The following CACNA1C variants were observed in gnomAD, a reference collection of about 807,000 sequenced individuals.
CACNA1C encodes the protein calcium voltage-gated channel subunit alpha1 C.
CACNA1C carries 30 observed loss-of-function variants against 229.0 expected under a neutral mutation model. The ratio of observed to expected loss-of-function variants is 0.13; its 90% CI spans 0.10 to 0.18. The LOEUF is 0.18. Among genes scored for constraint, CACNA1C ranks in the 10% least tolerant of loss-of-function variants. The pLI, the probability that CACNA1C is intolerant of heterozygous loss-of-function variation, is 1.00. For synonymous variants in CACNA1C, 1,114 were observed against 1,132.5 expected (o/e 0.98, Z 0.33); for missense variants, 1,658 against 2,845.0 (o/e 0.58, Z 9.49).
chr12:2,231,248 T>C (rs1398095237), intron 3 of CACNA1C, among the ~76,000 whole-genome samples: 1 of 152,216 alleles, frequency 6.6e-6, no homozygotes, highest in Non-Finnish European at 1.5e-5. Flanking sequence ...ATATTCACCA[T>C]AGTATCTAAG....
intron 13 of CACNA1C, among the ~76,000 whole-genome samples, chr12:2,579,444 C>T (rs1224306900): frequency 1.3e-5 from 2 of 151,952 alleles, no homozygotes; most frequent in African/African-American, 4.8e-5. Context: ...GGACTGGTCG[C>T]CTGAGGATTA....
At chr12:2,629,410 G>T (rs1287206822) in intron 29 of CACNA1C, among the ~76,000 whole-genome samples, 5 of 152,230 alleles carry the variant, frequency 3.3e-5, no homozygotes, top group Admixed American at 2.0e-4. Context: ...TGGCCCCACA[G>T]TTAAGACACA....
chr12:2,274,486 G>A (rs1044062628), intron 3 of CACNA1C, among the ~76,000 whole-genome samples: 17 of 152,208 alleles, frequency 1.1e-4, no homozygotes, highest in African/African-American at 3.6e-4. Context: ...GTTTTCAGCC[G>A]CTGGTGACTG....
intron 3 of CACNA1C, among the ~76,000 whole-genome samples, chr12:2,323,773 C>G (rs1329876860): frequency 1.3e-5 from 2 of 152,066 alleles, no homozygotes; most frequent in Non-Finnish European, 2.9e-5. Context: ...CAGGGTGGGT[C>G]TAATGGAGGC....
Position 2,639,962 on chromosome 12 carries a change from C to T in CACNA1C, c.3912+5582C>T, listed in dbSNP as rs940766195. Among the ~76,000 whole-genome samples, 2 of 152,080 alleles carry T rather than the reference C, an allele frequency of 1.3e-5. No homozygotes were observed. Among genetic ancestry groups the T allele is most frequent in the Admixed American group, 6.6e-5 (1 of 15,266 alleles). On this transcript the variant is annotated intron_variant, in intron 30 of 46. Transcript: ENST00000399655. This position sits in a 1 kb window ranked among gnomAD's most constrained non-coding sequence, Gnocchi z 4.2. The stretch of plus-strand genomic sequence containing the variant: ...CCCTGGAGCTTCTGGGCACAGCTCT[C>T]AGGAGGAATTGCTGGAGGCTTTGCA...
chr12:2,045,484 A>G (rs781039778), intron 1 of CACNA1C, among the ~76,000 whole-genome samples: 10 of 152,176 alleles, frequency 6.6e-5, no homozygotes, highest in African/African-American at 1.9e-4. Context: ...CAAGCATTCA[A>G]TTTCTCTAAT....
At chr12:1,976,816 C>T (rs2010932) in intron 1 of CACNA1C, among the ~76,000 whole-genome samples, 115,326 of 147,272 alleles carry the variant, frequency 0.78, 45,514 homozygotes, top group African/African-American at 0.94. Flanking sequence ...TGGCACACAG[C>T]AGTCAAGCAA....
intron 3 of CACNA1C, among the ~76,000 whole-genome samples, chr12:2,315,861 A>G (rs187018199): frequency 1.4e-4 from 21 of 152,370 alleles, no homozygotes; most frequent in Admixed American, 1.3e-3. Context: ...TTTAGCAGTA[A>G]GAGTGCCCTA....
chr12:2,158,037 A>G (rs1222236983), intron 3 of CACNA1C, among the ~76,000 whole-genome samples: 1 of 152,204 alleles, frequency 6.6e-6, no homozygotes. Context: ...TTAGGAGTAA[A>G]AAAAATATGA....
chr12:2,461,659 C>T (rs2154565801), intron 5 of CACNA1C, among the ~76,000 whole-genome samples: 1 of 152,304 alleles, frequency 6.6e-6, no homozygotes, highest in Admixed American at 6.5e-5. Flanking sequence ...TCACAGTCTT[C>T]CCAGAGTCTT....
intron 3 of CACNA1C, among the ~76,000 whole-genome samples, chr12:2,387,761 C>T (rs1045462438): frequency 2.0e-5 from 3 of 152,126 alleles, no homozygotes; most frequent in Admixed American, 6.5e-5. Context: ...CCAGAGAGAG[C>T]TCAGCAGCTG....
In CACNA1C at chr12:2,679,893, T is replaced by C; in HGVS notation, c.5444+97T>C. The C allele has an allele frequency of 1.1e-6, 1 of 886,922 alleles. No individual in the cohort carries two copies. The highest frequency in any genetic ancestry group is 1.7e-6 in the Non-Finnish European group (1 of 583,108). 54.9% of individuals were successfully genotyped at this position (886,922 alleles called of 1,614,324 possible). On this transcript the variant is annotated intron_variant, in intron 42 of 46. Transcript: ENST00000399655. The surrounding 1 kb of genome is among the most constrained non-coding windows in gnomAD (Gnocchi z 5.5). ...GAGACGGAGGCCTCGGCCAGCCACT[T>C]GTCCCTCAAGCTTCCAGGAGGTTGC...
intron 3 of CACNA1C, among the ~76,000 whole-genome samples, chr12:2,242,964 G>A (rs1329656564): frequency 6.6e-6 from 1 of 152,174 alleles, no homozygotes; most frequent in Non-Finnish European, 1.5e-5. Context: ...ACTTACCCAC[G>A]ATCATAGGGT....
chr12:2,537,475 A>G (rs2099858529), intron 9 of CACNA1C, among the ~76,000 whole-genome samples: 1 of 152,190 alleles, frequency 6.6e-6, no homozygotes. Flanking sequence ...GTTAATATGA[A>G]GATAGAAATG....
intron 11 of CACNA1C, among the ~76,000 whole-genome samples, chr12:2,564,654 G>T (rs1018347976): frequency 6.6e-6 from 1 of 151,928 alleles, no homozygotes; most frequent in Non-Finnish European, 1.5e-5. Context: ...CTCCCAAATC[G>T]CCCCAGCTAA....
chr12:2,556,996 G>T lies in CACNA1C; in HGVS notation c.1508+19G>T, dbSNP rs761575692. The T allele has an allele frequency of 1.2e-6, 2 of 1,607,294 alleles. No individual in the cohort carries two copies. Among genetic ancestry groups the T allele is most frequent in the Non-Finnish European group, 1.7e-6 (2 of 1,173,918 alleles). On this transcript the variant is annotated intron_variant, in intron 11 of 46. Coordinates refer to ENST00000399655, the MANE Select transcript of CACNA1C (RefSeq NM_000719.7). The stretch of plus-strand genomic sequence containing the variant: ...AGTTCAGGTGAGTGAGACTCACGCT[G>T]CTCTTCCTTCCTTCTGCCACCAGCT...
chr12:2,645,228 T>C (rs1053687813), intron 30 of CACNA1C, among the ~76,000 whole-genome samples: 8 of 152,192 alleles, frequency 5.3e-5, no homozygotes, highest in Non-Finnish European at 1.0e-4. Flanking sequence ...AAAAGGGGAA[T>C]GCAGTCTCCA....
In CACNA1C at chr12:2,608,732, C is replaced by A. The variant is rs747852949; in HGVS notation, c.3558+20C>A. On this transcript the variant is annotated intron_variant, in intron 27 of 46. Coordinates refer to ENST00000399655, the MANE Select transcript of CACNA1C (RefSeq NM_000719.7). The surrounding 1 kb of genome is among the most constrained non-coding windows in gnomAD (Gnocchi z 4.2). ...AACCAGGTAGCTTCCTAGGAAGGAGCGGAGGGAAGCGGGGCCCACGGAGGG... is the reference window on the plus strand; with the variant it reads ...AACCAGGTAGCTTCCTAGGAAGGAGAGGAGGGAAGCGGGGCCCACGGAGGG... 9.9e-6 allele frequency: 16 copies of A among 1,611,820 alleles called. No homozygotes were observed. The highest frequency in any genetic ancestry group is 1.2e-5 in the Non-Finnish European group (14 of 1,178,706).
intron 5 of CACNA1C, among the ~76,000 whole-genome samples, chr12:2,469,725 T>C (rs1466306713): frequency 6.6e-6 from 1 of 152,234 alleles, no homozygotes; most frequent in Non-Finnish European, 1.5e-5. Context: ...CAGGCTGTTT[T>C]TACTAGACCA....
Sources: allele counts gnomAD v4.1 joint callset (sites outside exome capture counted in the v4.1 genomes callset), GRCh38; gene constraint gnomAD v4.1.1; non-coding constraint Gnocchi (gnomAD v3.1); transcripts MANE v1.5; gene names NCBI Gene and HGNC (gene_info 2026-07-23, HGNC 2026-07-21).